Variants in LAD1 observed in about 807,000 individuals in gnomAD.
LAD1 encodes ladinin-1.
Under a neutral mutation model 54.2 loss-of-function variants are expected in LAD1, and 53 were observed. The ratio of observed to expected loss-of-function variants is 0.98; its 90% CI spans 0.78 to 1.23. LAD1 has a LOEUF of 1.23. LAD1 is among the 50% of genes most tolerant of loss of function. The pLI, the probability that LAD1 is intolerant of heterozygous loss-of-function variation, is 0.00. For synonymous variants in LAD1, 231 were observed against 257.7 expected, an observed-to-expected ratio of 0.90 and a Z score of 0.99; for missense variants, 637 against 653.3, an observed-to-expected ratio of 0.98 and a Z score of 0.27.
chr1:201,384,952 T>TGGTAGAAGGGGTGGGAGG, intron 4 of LAD1, 117 bp from the exon 5 acceptor site: 1 of 913,888 alleles, frequency 1.1e-6, no homozygotes, highest in Non-Finnish European at 1.7e-6. Context: ...CTCCCACCCC[T>TGGTAGAAGGGGTGGGAGG]TCTACCAGGG....
At chr1:201,388,805 G>A (rs1028601176) in intron 2 of LAD1, among the ~76,000 whole-genome samples, 12 of 152,178 alleles carry the variant, frequency 7.9e-5, no homozygotes, top group Non-Finnish European at 1.3e-4. Context: ...CACTCTTGAG[G>A]TACGTGACCT....
At position 201,385,599 on chromosome 1, in the gene LAD1, G is replaced by C. The variant is rs1333423931; in HGVS notation, c.1131+102C>G. ...GAATCCAAAGCTCCTCTCTATCCAG[G>C]GGACCTTCCTACCTAACCTACGGCT... On this transcript the variant is annotated intron_variant, in intron 4 of 9. Transcript: ENST00000391967. 6 of 854,854 alleles carry C rather than the reference G, an allele frequency of 7.0e-6. No individual in the cohort carries two copies. The East Asian group carries it at 1.2e-4, about 17-fold the overall frequency. 53.0% of individuals were successfully genotyped at this position (854,854 alleles called of 1,614,324 possible).
Position 201,389,229 on chromosome 1 carries a change from C to T in LAD1, c.113G>A (p.Ser38Asn). The change falls in exon 2 of 10, where the codon AGC (serine) becomes AAC (asparagine). Residue 38 changes from serine to asparagine, a missense_variant. Transcript: ENST00000391967. The stretch of plus-strand genomic sequence containing the variant: ...GGGAGCCTCATCGTCCGTGGTGGAG[C>T]TCAGGTTGCGGTGCCGCCGCCTGCG... The part of the protein sequence containing the change: ...RERRRRHRNL[S>N]STTDDEAPRL... The T allele has an allele frequency of 6.2e-7, 1 of 1,614,200 alleles. No homozygotes were observed. The highest frequency in any genetic ancestry group is 8.5e-7 in the Non-Finnish European group (1 of 1,180,050).
In LAD1 at chr1:201,382,610, A is replaced by T. The variant is rs1236354389; in HGVS notation, c.1473+43T>A. 3 of 1,494,306 alleles carry T rather than the reference A, an allele frequency of 2.0e-6. No individual in the cohort carries two copies. In the East Asian group the frequency reaches 7.1e-5, roughly 35 times the overall value. The allele number at this position is 1,494,306 out of a possible 1,614,324, so 92.6% of individuals were successfully genotyped here. ...CTCCTCTGTCCCCAGTCATCCCACC[A>T]CAAAGGCTCCACAGTAAGAGACATC... On this transcript the variant is annotated intron_variant, in intron 8 of 9. Transcript: ENST00000391967.
chr1:201,391,040 C>G, intron 1 of LAD1: 1 of 450,872 alleles, frequency 2.2e-6, no homozygotes. Context: ...AATTTCTTAG[C>G]TTTTGGGAAG....
chr1:201,394,876 T>G (rs1475995226), intron 1 of LAD1, among the ~76,000 whole-genome samples: 2 of 152,160 alleles, frequency 1.3e-5, no homozygotes, highest in African/African-American at 4.8e-5. Context: ...AGCTGGAGCC[T>G]CCAGGGTTCC....
At chr1:201,385,192 C>G (rs771364080) in intron 4 of LAD1, among the ~76,000 whole-genome samples, 1 of 152,210 alleles carries the variant, frequency 6.6e-6, no homozygotes, top group African/African-American at 2.4e-5. Flanking sequence ...ACATTAGAGG[C>G]ATGATACCCA....
chr1:201,381,473 A>G lies in LAD1; in HGVS notation c.*415T>C. 3 of 284,080 alleles carry G rather than the reference A, an allele frequency of 1.1e-5. No individual in the cohort carries two copies. Among genetic ancestry groups the G allele is most frequent in the South Asian group, 6.8e-5 (2 of 29,548 alleles). 17.6% of individuals were successfully genotyped at this position (284,080 alleles called of 1,614,324 possible). Reference sequence around the variant, plus strand: ...GGTCCAGGCCTCAGAGAAGGGGGACATCATAGACAAAGAGGCACTTGCTGG... The same window carrying G: ...GGTCCAGGCCTCAGAGAAGGGGGACGTCATAGACAAAGAGGCACTTGCTGG... On this transcript the variant is annotated 3_prime_UTR_variant, in exon 10 of 10. Transcript: ENST00000391967.
chr1:201,394,444 C>G (rs558055003), intron 1 of LAD1, among the ~76,000 whole-genome samples: 4 of 152,322 alleles, frequency 2.6e-5, no homozygotes, highest in African/African-American at 9.6e-5. Flanking sequence ...AGTCACACCT[C>G]TACTTCCTCA....
At chr1:201,388,330 G>A (rs1380994588) in intron 2 of LAD1, among the ~76,000 whole-genome samples, 2 of 151,976 alleles carry the variant, frequency 1.3e-5, no homozygotes, top group East Asian at 1.9e-4. Flanking sequence ...GGAGGTTGCA[G>A]TGAGCCAAGA....
At chr1:201,389,432 GT>G in intron 1 of LAD1, 129 bp from the exon 2 acceptor site, 1 of 1,105,926 alleles carries the variant, frequency 9.0e-7, no homozygotes, top group Non-Finnish European at 1.3e-6. Context: ...CAGCTCAGAA[GT>G]GCTTGAAACG....
At position 201,383,398 on chromosome 1, in the gene LAD1, T is replaced by C. The variant is rs1662008053; in HGVS notation, c.1176-9A>G. Reference sequence around the variant, plus strand: ...GGAGCTTCATGCTGGCACTGCAGGATGGAAGATGGAACAGGCGAGCCAAGT... The same window carrying C: ...GGAGCTTCATGCTGGCACTGCAGGACGGAAGATGGAACAGGCGAGCCAAGT... On this transcript the variant is annotated splice_polypyrimidine_tract_variant and intron_variant, in intron 5 of 9. Transcript: ENST00000391967. 3 of 1,613,880 alleles carry C rather than the reference T, an allele frequency of 1.9e-6. No individual in the cohort carries two copies. The highest frequency in any genetic ancestry group is 3.3e-5 in the Admixed American group (2 of 60,020).
In LAD1 at chr1:201,381,174, C is replaced by G. The variant is rs1202670930; in HGVS notation, c.*714G>C. 1.9e-5 allele frequency: 3 copies of G among 153,986 alleles called. No individual in the cohort carries two copies. The highest frequency in any genetic ancestry group is 2.9e-5 in the Non-Finnish European group (2 of 68,956). The allele number at this position is 153,986 out of a possible 1,614,324, so 9.5% of individuals were successfully genotyped here. On this transcript the variant is annotated 3_prime_UTR_variant, in exon 10 of 10. Coordinates refer to ENST00000391967, the MANE Select transcript of LAD1 (RefSeq NM_005558.4). ...TGACCTCTGCTAGAAAGCAAGGCCT[C>G]CAGAGAGGAATTCGCTTCTAAGGTC...
intron 5 of LAD1, 42 bp from the exon 6 acceptor site, chr1:201,383,431 C>G: frequency 6.3e-7 from 1 of 1,580,478 alleles, no homozygotes; most frequent in Non-Finnish European, 8.7e-7. Flanking sequence ...AGTGAGACAC[C>G]CAGGGAGACC....
In LAD1 at chr1:201,393,635, A is replaced by G. The variant is rs113301391; in HGVS notation, c.39-4332T>C. On this transcript the variant is annotated intron_variant, in intron 1 of 9. Coordinates refer to ENST00000391967, the MANE Select transcript of LAD1 (RefSeq NM_005558.4). ...GTGGCAGACTCCTATAATCCCAGCC[A>G]CTTGGGAGGCTGAGGCAAGAAAATG... Among the ~76,000 whole-genome samples, 1,260 of 151,866 alleles carry G rather than the reference A, an allele frequency of 8.3e-3. 29 individuals carry two copies. Among genetic ancestry groups the G allele is most frequent in the African/African-American group, 0.029 (1,203 of 41,382 alleles).
In LAD1 at chr1:201,386,439, G is replaced by T. The variant is rs751984249; in HGVS notation, c.922C>A (p.Gln308Lys). 5 of 1,539,628 alleles carry T rather than the reference G, an allele frequency of 3.2e-6. No homozygotes were observed. In the East Asian group the frequency reaches 1.1e-4, roughly 35 times the overall value. Reference sequence around the variant, plus strand: ...TTCCCAGGGAGGGCCCTTCCTCTCTGCTCCTTGGTGGTGGCTGGGCTTCCC... The same window carrying T: ...TTCCCAGGGAGGGCCCTTCCTCTCTTCTCCTTGGTGGTGGCTGGGCTTCCC... ...SGGSPATTKE[Q>K]RGRALPGKNL... Residue 308 changes from glutamine to lysine, a missense_variant, in exon 3 of 10, where the codon CAG becomes AAG. Physicochemically the swap from Gln to Lys is moderately conservative, Grantham distance 53 (BLOSUM62 1). Transcript: ENST00000391967.
At chr1:201,388,902 A>G (rs1257341038) in intron 2 of LAD1, among the ~76,000 whole-genome samples, 1 of 152,204 alleles carries the variant, frequency 6.6e-6, no homozygotes, top group Non-Finnish European at 1.5e-5. Context: ...CATTGTGTGG[A>G]TTACGTGAGC....
At chr1:201,391,156 G>C (rs1047004589) in intron 1 of LAD1, 8 of 456,586 alleles carry the variant, frequency 1.8e-5, no homozygotes, top group Admixed American at 2.3e-5. Flanking sequence ...CAGATGGAAA[G>C]AGCTTCGTGG....
At chr1:201,396,873 G>A (rs969589317) in intron 1 of LAD1, among the ~76,000 whole-genome samples, 17 of 152,096 alleles carry the variant, frequency 1.1e-4, no homozygotes, top group African/African-American at 4.1e-4. Flanking sequence ...GAAGTAGGAG[G>A]GCGGCTCAAG....
Sources: allele counts gnomAD v4.1 joint callset (sites outside exome capture counted in the v4.1 genomes callset), GRCh38; gene constraint gnomAD v4.1.1; transcripts MANE v1.5; gene names NCBI Gene and HGNC (gene_info 2026-07-23, HGNC 2026-07-21).